POU6F2: variants seen among roughly 807,000 people sequenced by gnomAD.
POU6F2 encodes POU class 6 homeobox 2.
A neutral mutation model predicts 71.3 loss-of-function variants in POU6F2; 31 were observed. The observed-to-expected ratio is 0.43, with a 90% CI of 0.33 to 0.59. POU6F2 has a LOEUF of 0.59. Among genes scored for constraint, POU6F2 ranks in the 20% least tolerant of loss-of-function variants. The pLI, the probability that POU6F2 is intolerant of heterozygous loss-of-function variation, is 0.04. For missense variants in POU6F2, 783 were observed against 856.8 expected (o/e 0.91, Z 1.07); for synonymous variants, 347 against 355.7 (o/e 0.98, Z 0.27).
chr7:39,255,669 A>G (rs1784006513), intron 4 of POU6F2, among the ~76,000 whole-genome samples: 1 of 152,240 alleles, frequency 6.6e-6, no homozygotes, highest in Admixed American at 6.5e-5. Flanking sequence ...TCGGTTGCCA[A>G]ATAAGTCATC....
intron 1 of POU6F2, chr7:39,083,516 C>G (rs1051474356): frequency 8.1e-6 from 1 of 122,990 alleles, no homozygotes; most frequent in Non-Finnish European, 1.6e-5. Flanking sequence ...CACCCACCAA[C>G]TGAATCAGAA....
chr7:39,089,556 T>G (rs962812809), intron 2 of POU6F2, among the ~76,000 whole-genome samples: 1 of 152,218 alleles, frequency 6.6e-6, no homozygotes, highest in Non-Finnish European at 1.5e-5. Context: ...GTTGCTGTGT[T>G]TCTCTAGTGA....
At chr7:39,003,227 T>C (rs1009066171) in intron 1 of POU6F2, among the ~76,000 whole-genome samples, 3 of 152,192 alleles carry the variant, frequency 2.0e-5, no homozygotes, top group African/African-American at 7.2e-5. Context: ...TTGTAGGATA[T>C]TTTGAAAACA....
intron 1 of POU6F2, among the ~76,000 whole-genome samples, chr7:39,029,954 T>C (rs1391931097): frequency 2.6e-5 from 4 of 152,156 alleles, no homozygotes; most frequent in Non-Finnish European, 5.9e-5. Flanking sequence ...TAGGACCTTT[T>C]GCATCTTTGC....
intron 4 of POU6F2, among the ~76,000 whole-genome samples, chr7:39,254,443 A>G (rs10242061): frequency 0.39 from 59,443 of 151,906 alleles, 12,685 homozygotes; most frequent in East Asian, 0.69. Flanking sequence ...AAGCTGCTTC[A>G]AGAAAGAGGG....
At chr7:39,220,970 ATATT>A (rs1175670491) in intron 4 of POU6F2, among the ~76,000 whole-genome samples, 2 of 152,140 alleles carry the variant, frequency 1.3e-5, no homozygotes, top group African/African-American at 4.8e-5. Flanking sequence ...TATCTCATGA[ATATT>A]TATATATTGA....
chr7:39,091,414 C>T (rs1791361840), intron 2 of POU6F2, among the ~76,000 whole-genome samples: 1 of 152,122 alleles, frequency 6.6e-6, no homozygotes. Context: ...ATTAGCAAGT[C>T]AAAATACTGA....
intron 1 of POU6F2, among the ~76,000 whole-genome samples, chr7:39,024,082 A>AAATT (rs1789742075): frequency 6.6e-6 from 1 of 152,146 alleles, no homozygotes; most frequent in Non-Finnish European, 1.5e-5. Context: ...TTGAATCTAT[A>AAATT]AATTACCTTG....
intron 4 of POU6F2, among the ~76,000 whole-genome samples, chr7:39,235,281 G>A (rs931723742): frequency 6.6e-6 from 1 of 152,180 alleles, no homozygotes; most frequent in African/African-American, 2.4e-5. Flanking sequence ...CAGCATAATA[G>A]ATGTATCTGG....
chr7:39,446,445 A>G lies in POU6F2; in HGVS notation c.1321-5088A>G, dbSNP rs113050238. On this transcript the variant is annotated intron_variant, in intron 7 of 9. Transcript: ENST00000518318. ...TAGTCCATTTTCCAAGACACTTGCC[A>G]CCCCACTTATTTTAATATCAATGAC... Among the ~76,000 whole-genome samples the G allele has an allele frequency of 6.2e-4, 95 of 152,246 alleles. No individual in the cohort carries two copies. The Middle Eastern group carries it at 0.01, about 16-fold the overall frequency.
intron 2 of POU6F2, among the ~76,000 whole-genome samples, chr7:39,130,152 G>A (rs1792238323): frequency 2.5e-5 from 2 of 78,814 alleles, no homozygotes; most frequent in South Asian, 9.4e-4. Context: ...GGGTAGGTGT[G>A]TGTGTGTGTG....
At chr7:39,159,227 G>A (rs1467845174) in intron 2 of POU6F2, among the ~76,000 whole-genome samples, 1 of 151,988 alleles carries the variant, frequency 6.6e-6, no homozygotes, top group East Asian at 1.9e-4. Context: ...CTCCTCCAGT[G>A]TCACATTATT....
In POU6F2 at chr7:39,232,566, G is replaced by A. The variant is rs187354318; in HGVS notation, c.598+24946G>A. On this transcript the variant is annotated intron_variant, in intron 4 of 9. Coordinates refer to ENST00000518318, the MANE Select transcript of POU6F2 (RefSeq NM_001370959.1). ...GTGTAGCTCCCTCCAGCATATAGAC[G>A]GTATTCAAATACTTACTAAATTAAT... is the stretch of plus-strand genomic sequence containing the variant. Among the ~76,000 whole-genome samples, 29 of 152,124 alleles carry A rather than the reference G, an allele frequency of 1.9e-4. No individual in the cohort carries two copies. In the East Asian group the frequency reaches 5.0e-3, roughly 26 times the overall value.
chr7:39,453,364 A>G (rs767430185), intron 8 of POU6F2, among the ~76,000 whole-genome samples: 1 of 152,232 alleles, frequency 6.6e-6, no homozygotes, highest in East Asian at 1.9e-4. Context: ...AATATTCTGT[A>G]TAAGTTTCTG....
chr7:39,312,670 GA>G (rs1785188240), intron 4 of POU6F2, among the ~76,000 whole-genome samples: 1 of 152,188 alleles, frequency 6.6e-6, no homozygotes, highest in South Asian at 2.1e-4. Flanking sequence ...TGGCAAATGT[GA>G]ATGGCCAGCA....
intron 2 of POU6F2, among the ~76,000 whole-genome samples, chr7:39,203,459 T>C (rs12534084): frequency 0.37 from 56,795 of 152,118 alleles, 10,931 homozygotes; most frequent in South Asian, 0.49. Flanking sequence ...CTATTGTTTC[T>C]ACCACTATCT....
At chr7:39,278,372 G>A (rs1312457109) in intron 4 of POU6F2, among the ~76,000 whole-genome samples, 1 of 152,144 alleles carries the variant, frequency 6.6e-6, no homozygotes, top group Non-Finnish European at 1.5e-5. Context: ...TTGGGGGTAA[G>A]GGGAGTTGGC....
chr7:39,258,412 A>C (rs1784066899), intron 4 of POU6F2, among the ~76,000 whole-genome samples: 1 of 152,202 alleles, frequency 6.6e-6, no homozygotes, highest in South Asian at 2.1e-4. Flanking sequence ...ACTGGTTTTA[A>C]AGTGTGTGTC....
At chr7:39,377,276 G>A (rs1191314560) in intron 5 of POU6F2, among the ~76,000 whole-genome samples, 11 of 151,756 alleles carry the variant, frequency 7.2e-5, no homozygotes, top group Non-Finnish European at 7.4e-5. Context: ...GATTACAGGT[G>A]CACACCACCA....
Sources: gnomAD v4.1 joint callset for allele counts (sites outside exome capture counted in the v4.1 genomes callset) on GRCh38, gnomAD v4.1.1 for gene constraint, MANE v1.5 for transcripts, NCBI Gene and HGNC (gene_info 2026-07-23, HGNC 2026-07-21) for gene names.